MICAL3: variants seen among roughly 807,000 people sequenced by gnomAD.
MICAL3 encodes the protein [F-actin]-monooxygenase MICAL3.
In MICAL3, 62 loss-of-function variants were observed where a neutral mutation model predicts 207.4. The observed-to-expected ratio is 0.30, with a 90% confidence interval of 0.24 to 0.37. MICAL3 has a LOEUF of 0.37. MICAL3 is among the 10% of genes least tolerant of loss of function. The pLI is 1.00. For synonymous variants in MICAL3, 1,077 were observed against 1,069.3 expected, an observed-to-expected ratio of 1.01 and a Z score of -0.14; for missense variants, 2,368 against 2,635.6, an observed-to-expected ratio of 0.90 and a Z score of 2.22.
intron 16 of MICAL3, among the ~76,000 whole-genome samples, chr22:17,877,470 G>T: frequency 7.6e-6 from 1 of 131,418 alleles, no homozygotes; most frequent in African/African-American, 3.5e-5. Context: ...GGAGATTATG[G>T]AGGTTAGGGA....
intron 19 of MICAL3, among the ~76,000 whole-genome samples, chr22:17,854,236 CT>C (rs1925655824): frequency 6.6e-6 from 1 of 151,842 alleles, no homozygotes; most frequent in Admixed American, 6.6e-5. Context: ...GGGGGTGCTA[CT>C]GATGTCTGAT....
rs1923992008 is a variant in MICAL3 at position 17,841,404 on chromosome 22, A to G, written c.2801+418T>C. On this transcript the variant is annotated intron_variant, in intron 20 of 31. Coordinates refer to ENST00000441493, the MANE Select transcript of MICAL3 (RefSeq NM_015241.3). This position sits in a 1 kb window ranked among gnomAD's most constrained non-coding sequence, Gnocchi z 4.2. ...ACATTTTCAGTCCCTTTCTTTACCT[A>G]CAGGAGAAAAAAAGATGCCTGGGGG... 1 of 312,108 alleles carries G rather than the reference A, an allele frequency of 3.2e-6. No homozygotes were observed. Among genetic ancestry groups the G allele is most frequent in the African/African-American group, 2.1e-5 (1 of 48,016 alleles). 19.3% of individuals were successfully genotyped at this position (312,108 alleles called of 1,614,324 possible). A position where few individuals can be genotyped will look rare whatever the true frequency, so the allele number is the denominator to read the frequency against.
chr22:17,806,020 G>A (rs374915873), intron 29 of MICAL3, among the ~76,000 whole-genome samples: 3 of 152,128 alleles, frequency 2.0e-5, no homozygotes, highest in Non-Finnish European at 2.9e-5. Context: ...GTGAGCCACC[G>A]CGCCCGGCCC....
At chr22:17,967,654 T>G (rs947187426) in intron 1 of MICAL3, among the ~76,000 whole-genome samples, 20 of 152,192 alleles carry the variant, frequency 1.3e-4, no homozygotes, top group African/African-American at 4.3e-4. Flanking sequence ...ACGCCTGTAA[T>G]CCCAGCACTT....
At chr22:17,833,775 T>G (rs1602005845) in intron 20 of MICAL3, among the ~76,000 whole-genome samples, 2 of 152,142 alleles carry the variant, frequency 1.3e-5, no homozygotes, top group Non-Finnish European at 2.9e-5. Context: ...AATCAATCAT[T>G]GCCTATGTAA....
intron 1 of MICAL3, among the ~76,000 whole-genome samples, chr22:17,980,692 G>A (rs1043337828): frequency 1.3e-5 from 2 of 152,210 alleles, no homozygotes; most frequent in Admixed American, 6.5e-5. Flanking sequence ...AACCTACAAC[G>A]AGCAGCTGTG....
intron 1 of MICAL3, among the ~76,000 whole-genome samples, chr22:17,926,812 C>T (rs1338140213): frequency 6.6e-6 from 1 of 152,238 alleles, no homozygotes; most frequent in Non-Finnish European, 1.5e-5. Context: ...CCCATTTATT[C>T]CTTCCTTTCT....
At chr22:17,819,909 TCCTAG>T (rs1344973939) in intron 25 of MICAL3, among the ~76,000 whole-genome samples, 1 of 128,778 alleles carries the variant, frequency 7.8e-6, no homozygotes, top group Non-Finnish European at 1.5e-5. Flanking sequence ...CGCCACTGCA[TCCTAG>T]CCTGGGTGAC....
At position 17,854,476 on chromosome 22, in the gene MICAL3, T is replaced by G. The variant is rs969099101; in HGVS notation, c.2605+10423A>C. Reference sequence around the variant, plus strand: ...ACCGTGGCTGCCAAGGTGCAATGCCTGACCAGCAGGAGTGCAGTACATGGA... The same window carrying G: ...ACCGTGGCTGCCAAGGTGCAATGCCGGACCAGCAGGAGTGCAGTACATGGA... On this transcript the variant is annotated intron_variant, in intron 19 of 31. Transcript: ENST00000441493. Among the ~76,000 whole-genome samples, 3 of 152,178 alleles carry G rather than the reference T, an allele frequency of 2.0e-5. No individual in the cohort carries two copies. In the South Asian group the frequency reaches 6.2e-4, roughly 32 times the overall value.
chr22:17,866,135 C>T, intron 17 of MICAL3, 123 bp from the exon 18 acceptor site: 1 of 729,814 alleles, frequency 1.4e-6, no homozygotes, highest in Non-Finnish European at 2.4e-6. Flanking sequence ...AGCCACCCAG[C>T]CTTCCCTGGG....
intron 20 of MICAL3, among the ~76,000 whole-genome samples, 154 bp from the exon 21 acceptor site, chr22:17,832,261 G>A (rs1003122952): frequency 2.0e-5 from 3 of 152,370 alleles, no homozygotes; most frequent in Admixed American, 2.0e-4. Context: ...GGCATCAGCA[G>A]GACAGGGTAC....
chr22:17,847,907 C>T (rs1286112165), intron 19 of MICAL3, among the ~76,000 whole-genome samples: 1 of 152,186 alleles, frequency 6.6e-6, no homozygotes, highest in Non-Finnish European at 1.5e-5. Context: ...TCAAACGATC[C>T]TCCCAGCTCG....
intron 1 of MICAL3, among the ~76,000 whole-genome samples, chr22:17,953,029 G>A (rs1461275053): frequency 1.3e-5 from 2 of 152,270 alleles, no homozygotes; most frequent in Middle Eastern, 3.4e-3. Context: ...GGAAAGTGAC[G>A]GCAACTTCAA....
At chr22:17,839,275 T>TTTTTTTTA (rs1923742566) in intron 20 of MICAL3, among the ~76,000 whole-genome samples, 1 of 139,292 alleles carries the variant, frequency 7.2e-6, no homozygotes. Context: ...TTTTTTTTTT[T>TTTTTTTTA]GAGACGAAGT....
chr22:17,987,048 G>A (rs1340822952), intron 1 of MICAL3, among the ~76,000 whole-genome samples: 1 of 151,916 alleles, frequency 6.6e-6, no homozygotes, highest in Admixed American at 6.6e-5. Context: ...GGCCAGCCTG[G>A]GCAACACAGC....
intron 1 of MICAL3, among the ~76,000 whole-genome samples, chr22:17,947,704 G>A (rs1365828436): frequency 3.3e-5 from 5 of 151,922 alleles, no homozygotes; most frequent in Admixed American, 1.3e-4. Context: ...GACCACAGGC[G>A]ATGGTGTGCA....
At chr22:17,974,360 T>C (rs1031368983) in intron 1 of MICAL3, among the ~76,000 whole-genome samples, 1 of 152,216 alleles carries the variant, frequency 6.6e-6, no homozygotes, top group African/African-American at 2.4e-5. Context: ...AAACGGGAAT[T>C]ACTAGTACTG....
intron 16 of MICAL3, among the ~76,000 whole-genome samples, chr22:17,883,877 A>C (rs1929638356): frequency 6.6e-6 from 1 of 152,160 alleles, no homozygotes; most frequent in South Asian, 2.1e-4. Flanking sequence ...AAGGCTCTAC[A>C]CCCCAACTCT....
rs1376534827 is a variant in MICAL3 at position 17,790,294 on chromosome 22, G to T, written c.*438C>A. 6.1e-6 allele frequency: 1 copy of T among 162,848 alleles called. No homozygotes were observed. Among genetic ancestry groups the T allele is most frequent in the Non-Finnish European group, 1.3e-5 (1 of 74,870 alleles). The allele number at this position is 162,848 out of a possible 1,614,324, so 10.1% of individuals were successfully genotyped here. ...CTGACCCCTGACCCTGCTTTCGTGG[G>T]GTATTGTTTACGTTTCTTTGGTGGT... On this transcript the variant is annotated 3_prime_UTR_variant, in exon 32 of 32. Coordinates refer to ENST00000441493, the MANE Select transcript of MICAL3 (RefSeq NM_015241.3).
Sources: gnomAD v4.1 joint callset for allele counts (sites outside exome capture counted in the v4.1 genomes callset) on GRCh38, gnomAD v4.1.1 for gene constraint, Gnocchi (gnomAD v3.1) non-coding constraint, MANE v1.5 for transcripts, NCBI Gene and HGNC (gene_info 2026-07-23, HGNC 2026-07-21) for gene names.